TTYH2: variants seen among roughly 807,000 people sequenced by gnomAD.
The protein encoded by TTYH2 is tweety family member 2, also known as protein tweety homolog 2.
A neutral mutation model predicts 68.3 loss-of-function variants in TTYH2; 49 were observed. The ratio of observed to expected loss-of-function variants is 0.72; its 90% CI spans 0.57 to 0.91. TTYH2 has a LOEUF of 0.91. Among genes scored for constraint, TTYH2 ranks in the 40% least tolerant of loss-of-function variants. The pLI is 0.00. For synonymous variants in TTYH2, 272 were observed against 300.8 expected (o/e 0.90, Z 0.99); for missense variants, 631 against 700.4 (o/e 0.90, Z 1.12).
In TTYH2 at chr17:74,239,882, A is replaced by C. The variant is rs1414349125; in HGVS notation, c.635+2368A>C. ...TCATTGCCTGAGCCTTCGAAATCTT[A>C]TGTCAGGCAGGGGCAGGACCCATTT... On this transcript the variant is annotated intron_variant, in intron 4 of 13. Coordinates refer to ENST00000269346, the MANE Select transcript of TTYH2 (RefSeq NM_032646.6). This position sits in a 1 kb window ranked among gnomAD's most constrained non-coding sequence, Gnocchi z 5.3. Among the ~76,000 whole-genome samples the C allele has an allele frequency of 3.3e-5, 5 of 152,176 alleles. No individual in the cohort carries two copies. Among genetic ancestry groups the C allele is most frequent in the African/African-American group, 1.2e-4 (5 of 41,434 alleles).
intron 2 of TTYH2, among the ~76,000 whole-genome samples, chr17:74,224,207 C>T (rs187458207): frequency 2.6e-5 from 4 of 152,188 alleles, no homozygotes; most frequent in Admixed American, 2.6e-4. Context: ...CTCAGGAGTT[C>T]GAGATCACCT....
intron 2 of TTYH2, among the ~76,000 whole-genome samples, chr17:74,223,955 C>A (rs976173009): frequency 6.6e-6 from 1 of 152,198 alleles, no homozygotes; most frequent in East Asian, 1.9e-4. Flanking sequence ...GTGGGGCGGA[C>A]AAAGCTCTGA....
At chr17:74,251,397 T>C (rs1281354270) in intron 10 of TTYH2, among the ~76,000 whole-genome samples, 3 of 151,844 alleles carry the variant, frequency 2.0e-5, no homozygotes, top group Admixed American at 2.0e-4. Flanking sequence ...GGGGTGTGTG[T>C]GCGTGTATTT....
chr17:74,224,080 C>T (rs1045530199), intron 2 of TTYH2, among the ~76,000 whole-genome samples: 4 of 152,204 alleles, frequency 2.6e-5, no homozygotes, highest in Non-Finnish European at 5.9e-5. Flanking sequence ...GTTCCCAGTA[C>T]AGTGGAAGAG....
rs568945678 is a variant in TTYH2 at position 74,241,890 on chromosome 17, G to A, written c.636-1484G>A. Among the ~76,000 whole-genome samples the A allele has an allele frequency of 3.3e-5, 5 of 152,344 alleles. No individual in the cohort carries two copies. Among genetic ancestry groups the A allele is most frequent in the South Asian group, 4.1e-4 (2 of 4,826 alleles). On this transcript the variant is annotated intron_variant, in intron 4 of 13. Transcript: ENST00000269346. The surrounding 1 kb of genome is among the most constrained non-coding windows in gnomAD (Gnocchi z 4.1). The stretch of plus-strand genomic sequence containing the variant: ...ACTGGGCCTTGTGAGGACCACCTTG[G>A]GGACCTGTGTGGAAGGGAAAGGAAC...
At chr17:74,227,144 T>A (rs1373024785) in intron 2 of TTYH2, among the ~76,000 whole-genome samples, 3 of 152,130 alleles carry the variant, frequency 2.0e-5, no homozygotes, top group African/African-American at 4.8e-5. Context: ...CCCGCTAATT[T>A]TTTTATTTTT....
rs1314343584 is a variant in TTYH2, at chr17:74,241,949, G to A, written c.636-1425G>A. On this transcript the variant is annotated intron_variant, in intron 4 of 13. Transcript: ENST00000269346. This position sits in a 1 kb window ranked among gnomAD's most constrained non-coding sequence, Gnocchi z 4.1. ...TTTGTTTGGGGTCTTCTCAGTGTCC[G>A]TTGGCTTAAGATACTTTGATTCTTC... is the stretch of plus-strand genomic sequence containing the variant. Among the ~76,000 whole-genome samples, 2 of 152,220 alleles carry A rather than the reference G, an allele frequency of 1.3e-5. No homozygotes were observed. The highest frequency in any genetic ancestry group is 2.9e-5 in the Non-Finnish European group (2 of 68,042).
At position 74,213,690 on chromosome 17, in the gene TTYH2, A is replaced by G. The variant is rs1404023430; in HGVS notation, c.103A>G (p.Ser35Gly). ...CCTGCAGCCCGTGAACAGCACCTTC[A>G]GCCCCGGCGACGAGAGTTACCAGGA... ...LRLQPVNSTF[S>G]PGDESYQESL... Residue 35 changes from serine to glycine, a missense_variant, in exon 1 of 14, where the codon AGC (serine) becomes GGC (glycine). Physicochemically the swap from Ser to Gly is moderately conservative, Grantham distance 56. Coordinates refer to ENST00000269346, the MANE Select transcript of TTYH2 (RefSeq NM_032646.6). The surrounding 1 kb of genome is among the most constrained non-coding windows in gnomAD (Gnocchi z 6.1). 1 of 1,612,256 alleles carries G rather than the reference A, an allele frequency of 6.2e-7. No individual in the cohort carries two copies. The highest frequency in any genetic ancestry group is 8.5e-7 in the Non-Finnish European group (1 of 1,179,410).
At chr17:74,248,188 G>A (rs1337620093) in intron 6 of TTYH2, 15 of 835,838 alleles carry the variant, frequency 1.8e-5, no homozygotes, top group Non-Finnish European at 2.2e-5. Flanking sequence ...CTAAGGAACA[G>A]GCCAGAGGAC....
At chr17:74,225,087 C>G (rs139950751) in intron 2 of TTYH2, among the ~76,000 whole-genome samples, 1 of 151,684 alleles carries the variant, frequency 6.6e-6, no homozygotes, top group African/African-American at 2.4e-5. Flanking sequence ...TGAGTCCAGG[C>G]GTTCCTGGGT....
intron 6 of TTYH2, among the ~76,000 whole-genome samples, chr17:74,244,597 T>TA (rs35467655): frequency 0.45 from 67,501 of 148,820 alleles, 16,653 homozygotes; most frequent in African/African-American, 0.67. Context: ...CAAAATGGCT[T>TA]AAAAAAAAAA....
At chr17:74,248,849 G>C in intron 6 of TTYH2, 162 bp from the exon 7 acceptor site, 1 of 1,456,756 alleles carries the variant, frequency 6.9e-7, no homozygotes, top group South Asian at 1.4e-5. Flanking sequence ...GAGCTAGGAA[G>C]GGGCAGAGCC....
At chr17:74,252,514 CAG>C in intron 11 of TTYH2, 138 bp downstream of exon 11, 1 of 1,125,424 alleles carries the variant, frequency 8.9e-7, no homozygotes, top group Non-Finnish European at 1.2e-6. Flanking sequence ...TTCAGCCCAA[CAG>C]GCTGGCTGAC....
chr17:74,244,575 G>T (rs2050536363), intron 6 of TTYH2, among the ~76,000 whole-genome samples: 1 of 150,136 alleles, frequency 6.7e-6, no homozygotes, highest in Non-Finnish European at 1.5e-5. Context: ...TATGTTTCTG[G>T]ATGTGATGTC....
chr17:74,223,292 C>G (rs60532452), intron 2 of TTYH2, among the ~76,000 whole-genome samples: 1,985 of 118,426 alleles, frequency 0.017, 61 homozygotes, highest in African/African-American at 0.062. Flanking sequence ...TTTTGGGGGG[C>G]GGGGGGTGGG....
intron 1 of TTYH2, among the ~76,000 whole-genome samples, chr17:74,219,693 C>G (rs1263559678): frequency 6.6e-6 from 1 of 152,308 alleles, no homozygotes; most frequent in South Asian, 2.1e-4. Flanking sequence ...GTCTGGCTTT[C>G]TCTCTCAACC....
In TTYH2 at chr17:74,260,400, T is replaced by C. The variant is rs1399673870; in HGVS notation, c.*191T>C. ...AAGACTCACCACGCGGGCCAGCCTC[T>C]CTCTTTTGCCCTGCTCTCCACACCA... is the stretch of plus-strand genomic sequence containing the variant. On this transcript the variant is annotated 3_prime_UTR_variant, in exon 14 of 14. Coordinates refer to ENST00000269346, the MANE Select transcript of TTYH2 (RefSeq NM_032646.6). 3.3e-6 allele frequency: 2 copies of C among 610,664 alleles called. No individual in the cohort carries two copies. The highest frequency in any genetic ancestry group is 5.7e-5 in the East Asian group (2 of 35,196). 37.8% of individuals were successfully genotyped at this position (610,664 alleles called of 1,614,324 possible). A position where few individuals can be genotyped will look rare whatever the true frequency, so the allele number is the denominator to read the frequency against.
At chr17:74,221,995 G>C (rs1235448529) in intron 1 of TTYH2, among the ~76,000 whole-genome samples, 1 of 152,182 alleles carries the variant, frequency 6.6e-6, no homozygotes, top group African/African-American at 2.4e-5. Flanking sequence ...GATACACAGG[G>C]CTGTCCTTCC....
chr17:74,225,322 T>C (rs770095947), intron 2 of TTYH2, among the ~76,000 whole-genome samples: 2 of 147,666 alleles, frequency 1.4e-5, no homozygotes, highest in Non-Finnish European at 3.0e-5. Flanking sequence ...GGCAGTGGGA[T>C]GGGGAAAGTG....
Sources: allele counts gnomAD v4.1 joint callset (sites outside exome capture counted in the v4.1 genomes callset), GRCh38; gene constraint gnomAD v4.1.1; non-coding constraint Gnocchi (gnomAD v3.1); transcripts MANE v1.5; gene names NCBI Gene and HGNC (gene_info 2026-07-23, HGNC 2026-07-21).